Variants in WDR49 observed in about 807,000 individuals in gnomAD.
The protein encoded by WDR49 is WD repeat domain 49, also known as cilia- and flagella-associated protein 337.
A neutral mutation model predicts 119.5 loss-of-function variants in WDR49; 107 were observed. That is an observed-to-expected ratio of 0.90 (90% CI 0.77 to 1.05). The LOEUF (loss-of-function observed/expected upper bound fraction) is 1.05. Among genes scored for constraint, WDR49 ranks in the 50% least tolerant of loss-of-function variants. WDR49 has a pLI of 0.00. For missense variants in WDR49, 1,240 were observed against 1,220.5 expected (o/e 1.02, Z -0.24); for synonymous variants, 425 against 418.8 (o/e 1.01, Z -0.18).
At chr3:167,634,138 T>C (rs1444633078) in intron 2 of WDR49, among the ~76,000 whole-genome samples, 1 of 151,972 alleles carries the variant, frequency 6.6e-6, no homozygotes, top group Non-Finnish European at 1.5e-5. Context: ...AACTGCTTAA[T>C]AGTGTTTTAA....
At chr3:167,568,771 C>G (rs1309867441) in intron 8 of WDR49, among the ~76,000 whole-genome samples, 1 of 152,094 alleles carries the variant, frequency 6.6e-6, no homozygotes, top group Non-Finnish European at 1.5e-5. Context: ...AATATGCAAG[C>G]AGCTCAAGAG....
intron 18 of WDR49, among the ~76,000 whole-genome samples, chr3:167,486,178 CTT>C (rs2108192691): frequency 6.6e-6 from 1 of 152,182 alleles, no homozygotes; most frequent in African/African-American, 2.4e-5. Context: ...TAAATAAAAT[CTT>C]TCTCAGACAA....
At chr3:167,537,064 T>C (rs752456974) in intron 10 of WDR49, 64 bp from the exon 11 acceptor site, 17 of 1,438,552 alleles carry the variant, frequency 1.2e-5, no homozygotes, top group Non-Finnish European at 1.6e-5. Context: ...GAGTAGCCAC[T>C]ATCCACTTGA....
chr3:167,487,059 C>T (rs1450646090), intron 18 of WDR49, among the ~76,000 whole-genome samples: 1 of 151,892 alleles, frequency 6.6e-6, no homozygotes, highest in Non-Finnish European at 1.5e-5. Flanking sequence ...AATAAAGAGC[C>T]CAAATAGCTG....
intron 5 of WDR49, among the ~76,000 whole-genome samples, chr3:167,609,060 G>T (rs1479554057): frequency 6.6e-6 from 1 of 152,098 alleles, no homozygotes; most frequent in African/African-American, 2.4e-5. Flanking sequence ...AGTAAGTAAT[G>T]CTATTAAGTG....
At chr3:167,514,052 G>A (rs1418289341) in intron 16 of WDR49, among the ~76,000 whole-genome samples, 1 of 152,102 alleles carries the variant, frequency 6.6e-6, no homozygotes, top group Non-Finnish European at 1.5e-5. Context: ...GACAGATATC[G>A]AGACAGAAAG....
chr3:167,585,801 T>A (rs951152623), intron 7 of WDR49, among the ~76,000 whole-genome samples: 3 of 151,966 alleles, frequency 2.0e-5, no homozygotes, highest in Non-Finnish European at 4.4e-5. Flanking sequence ...CAAAACAATA[T>A]AAGAAGATAC....
chr3:167,602,946 T>C (rs188732100), intron 6 of WDR49, among the ~76,000 whole-genome samples: 1 of 152,234 alleles, frequency 6.6e-6, no homozygotes, highest in East Asian at 1.9e-4. Flanking sequence ...CTACAGCATA[T>C]AGCTTAGGTG....
At chr3:167,634,891 GA>G (rs1441164144) in intron 2 of WDR49, among the ~76,000 whole-genome samples, 1 of 151,244 alleles carries the variant, frequency 6.6e-6, no homozygotes, top group East Asian at 2.0e-4. Flanking sequence ...GGCAGAAACA[GA>G]AACGACCAGT....
rs1464702131 is a variant in WDR49 at position 167,627,204 on chromosome 3, T to C, written c.254A>G (p.Glu85Gly). Reference sequence around the variant, plus strand: ...CACTTTGTCAAAGAGCTCCCCATATTCTTCCTTCGTGCCCCAACCAACAAT... The same window carrying C: ...CACTTTGTCAAAGAGCTCCCCATATCCTTCCTTCGTGCCCCAACCAACAAT... ...TEIVGWGTKE[E>G]YGELFDKVDV... The change falls in exon 3 of 19, where the codon GAA becomes GGA. Residue 85 changes from glutamate (E) to glycine (G), a missense_variant. Glu to Gly is a moderately conservative substitution (Grantham distance 98). Transcript: ENST00000682715. The C allele has an allele frequency of 4.0e-6, 5 of 1,255,996 alleles. No homozygotes were observed. In the African/African-American group the frequency reaches 7.7e-5, roughly 19 times the overall value. 77.8% of individuals were successfully genotyped at this position (1,255,996 alleles called of 1,614,324 possible).
intron 7 of WDR49, among the ~76,000 whole-genome samples, chr3:167,593,929 G>A (rs576938067): frequency 6.6e-5 from 10 of 152,118 alleles, no homozygotes; most frequent in East Asian, 5.8e-4. Context: ...CCCCTCTCTC[G>A]TTCTGCCTCT....
chr3:167,598,635 C>A (rs1048633710), intron 7 of WDR49, among the ~76,000 whole-genome samples: 2 of 152,212 alleles, frequency 1.3e-5, no homozygotes, highest in Non-Finnish European at 2.9e-5. Context: ...GAGGGCTCCC[C>A]AGCCATGTGG....
intron 7 of WDR49, among the ~76,000 whole-genome samples, chr3:167,595,501 G>A (rs1715372493): frequency 6.6e-6 from 1 of 152,100 alleles, no homozygotes; most frequent in African/African-American, 2.4e-5. Context: ...AAACAACATG[G>A]TACTGGTACC....
chr3:167,560,217 A>G lies in WDR49; in HGVS notation c.1521T>C (p.Ser507=), dbSNP rs566442722. Residue 507 remains serine (S), a synonymous_variant, in exon 9 of 19, where the codon TCT becomes TCC. Coordinates refer to ENST00000682715, the MANE Select transcript of WDR49 (RefSeq NM_001366157.1). ...AGAAGGAAACAGTAGACCCTGTATC[A>G]GAGCTGATTACCTAAGAGAAAATAA... ...YNSILKQVIS[S]DTGSTVSFWM... The G allele has an allele frequency of 6.2e-7, 1 of 1,612,752 alleles. No individual in the cohort carries two copies. The highest frequency in any genetic ancestry group is 1.7e-5 in the Admixed American group (1 of 59,670).
intron 2 of WDR49, among the ~76,000 whole-genome samples, chr3:167,634,190 G>A (rs563309616): frequency 1.3e-5 from 2 of 151,858 alleles, no homozygotes; most frequent in Non-Finnish European, 2.9e-5. Context: ...TTATCTATAT[G>A]GTCTTTTTGA....
chr3:167,580,225 C>T (rs1338352983), intron 7 of WDR49, among the ~76,000 whole-genome samples: 2 of 152,136 alleles, frequency 1.3e-5, no homozygotes, highest in Non-Finnish European at 2.9e-5. Flanking sequence ...CCTAAACTCT[C>T]TCAACTAACG....
chr3:167,509,872 T>C (rs1255841448), intron 16 of WDR49, among the ~76,000 whole-genome samples: 1 of 152,206 alleles, frequency 6.6e-6, no homozygotes, highest in African/African-American at 2.4e-5. Flanking sequence ...TATTAACTAA[T>C]ATGAAAATGT....
intron 5 of WDR49, among the ~76,000 whole-genome samples, chr3:167,605,796 G>A (rs1001213693): frequency 3.3e-5 from 5 of 152,174 alleles, no homozygotes; most frequent in Non-Finnish European, 5.9e-5. Flanking sequence ...CATAGGTAAA[G>A]AAATAGGGAT....
At chr3:167,530,297 T>C (rs1236143475) in intron 13 of WDR49, among the ~76,000 whole-genome samples, 1 of 152,032 alleles carries the variant, frequency 6.6e-6, no homozygotes, top group Non-Finnish European at 1.5e-5. Flanking sequence ...ACATAATACA[T>C]ATATGTCTAG....
Sources: gnomAD v4.1 joint callset for allele counts (sites outside exome capture counted in the v4.1 genomes callset) on GRCh38, gnomAD v4.1.1 for gene constraint, MANE v1.5 for transcripts, NCBI Gene and HGNC (gene_info 2026-07-23, HGNC 2026-07-21) for gene names.